Variants in JMY observed in about 807,000 individuals in gnomAD.
The protein encoded by JMY is junction mediating and regulatory protein, p53 cofactor.
Under a neutral mutation model 103.3 loss-of-function variants are expected in JMY, and 46 were observed. That is an observed-to-expected ratio of 0.45 (90% CI 0.35 to 0.57). JMY has a LOEUF of 0.57. Among genes scored for constraint, JMY ranks in the 20% least tolerant of loss-of-function variants. JMY has a pLI of 0.00. For synonymous variants in JMY, 526 were observed against 489.3 expected, an observed-to-expected ratio of 1.07 and a Z score of -0.99; for missense variants, 1,238 against 1,255.2, an observed-to-expected ratio of 0.99 and a Z score of 0.21.
At chr5:79,318,804 G>GAGAGAGAGAGAGA (rs1580377765) in intron 10 of JMY, among the ~76,000 whole-genome samples, 1 of 15,612 alleles carries the variant, frequency 6.4e-5, no homozygotes, top group African/African-American at 3.5e-4. Flanking sequence ...AGAGAGAGAG[G>GAGAGAGAGAGAGA]GATGCATATC....
chr5:79,319,903 T>C (rs1263004304), intron 10 of JMY, among the ~76,000 whole-genome samples: 1 of 152,074 alleles, frequency 6.6e-6, no homozygotes, highest in East Asian at 1.9e-4. Flanking sequence ...ATAGATTTTG[T>C]CATTAATGTA....
chr5:79,326,175 G>C lies in JMY; in HGVS notation c.*4573G>C, dbSNP rs1173453910. On this transcript the variant is annotated 3_prime_UTR_variant, in exon 11 of 11. Transcript: ENST00000396137. ...CATTTGTTTTGCGGGTTAGGGGAAA[G>C]TTTTGTTTTTTGCTGGTGTTTTTTG... The C allele has an allele frequency of 6.6e-6, 1 of 152,104 alleles. No individual in the cohort carries two copies. The highest frequency in any genetic ancestry group is 1.5e-5 in the Non-Finnish European group (1 of 67,994). 9.4% of individuals were successfully genotyped at this position (152,104 alleles called of 1,614,324 possible). A position where few individuals can be genotyped will look rare whatever the true frequency, so the allele number is the denominator to read the frequency against.
intron 3 of JMY, 53 bp from the exon 4 acceptor site, chr5:79,291,077 T>C (rs1337568823): frequency 8.0e-7 from 1 of 1,252,202 alleles, no homozygotes; most frequent in East Asian, 2.6e-5. Flanking sequence ...TTTCAAATGC[T>C]TCAGTATTAA....
chr5:79,300,011 C>G (rs1243145732), intron 4 of JMY, 142 bp from the exon 5 acceptor site: 3 of 498,810 alleles, frequency 6.0e-6, no homozygotes, highest in Non-Finnish European at 1.0e-5. Flanking sequence ...TTTTTAAAGT[C>G]TAGATTCCAT....
Position 79,314,460 on chromosome 5 carries a change from G to A in JMY, c.2268G>A (p.Val756=). Residue 756 remains valine, a synonymous_variant, in exon 9 of 11, where the codon GTG becomes GTA. Coordinates refer to ENST00000396137, the MANE Select transcript of JMY (RefSeq NM_152405.5). ...AGACAACAGAACCCCAGAGCCTTGT[G>A]CAACTTGAAGATACTTCATTAACAC... ...PSQTTEPQSL[V]QLEDTSLTQL... is the part of the protein sequence containing the mutation. The A allele has an allele frequency of 6.2e-6, 10 of 1,614,140 alleles. No homozygotes were observed. The highest frequency in any genetic ancestry group is 8.5e-6 in the Non-Finnish European group (10 of 1,180,020).
intron 1 of JMY, among the ~76,000 whole-genome samples, chr5:79,252,496 A>G (rs1384029591): frequency 2.6e-5 from 4 of 152,076 alleles, no homozygotes; most frequent in African/African-American, 7.2e-5. Context: ...CTATGATGCA[A>G]ATTAAGTCCA....
At chr5:79,281,427 G>T (rs1580352353) in intron 2 of JMY, among the ~76,000 whole-genome samples, 1 of 147,830 alleles carries the variant, frequency 6.8e-6, no homozygotes. Flanking sequence ...CACACATCTA[G>T]GGCCTACCCA....
chr5:79,316,369 G>A (rs1276602676), intron 10 of JMY, 59 bp downstream of exon 10: 2 of 1,312,910 alleles, frequency 1.5e-6, no homozygotes, highest in Admixed American at 5.1e-5. Flanking sequence ...ATCGGATGAT[G>A]AGGTTTGGGG....
chr5:79,283,863 A>G (rs903921561), intron 2 of JMY, among the ~76,000 whole-genome samples: 5 of 152,104 alleles, frequency 3.3e-5, no homozygotes, highest in African/African-American at 9.7e-5. Context: ...GAAGGTTACA[A>G]TTTTTCTGGG....
At chr5:79,294,401 C>T (rs565957973) in intron 4 of JMY, among the ~76,000 whole-genome samples, 8 of 151,490 alleles carry the variant, frequency 5.3e-5, no homozygotes, top group South Asian at 2.1e-4. Context: ...AGTGAGACTC[C>T]GTCTAAAATA....
At chr5:79,301,741 G>A (rs1229542786) in intron 6 of JMY, among the ~76,000 whole-genome samples, 2 of 152,142 alleles carry the variant, frequency 1.3e-5, no homozygotes, top group East Asian at 3.9e-4. Flanking sequence ...ACCCACTGCT[G>A]TGTCAGCCCT....
At chr5:79,279,524 G>A (rs1241371485) in intron 2 of JMY, among the ~76,000 whole-genome samples, 2 of 152,138 alleles carry the variant, frequency 1.3e-5, no homozygotes, top group Non-Finnish European at 1.5e-5. Context: ...ATGTAAGATT[G>A]AGTATTTGAG....
intron 5 of JMY, 77 bp downstream of exon 5, chr5:79,300,395 C>A: frequency 7.3e-7 from 1 of 1,365,464 alleles, no homozygotes; most frequent in Non-Finnish European, 9.8e-7. Context: ...AGGTATGTTT[C>A]TTTTGTTAAG....
intron 1 of JMY, among the ~76,000 whole-genome samples, chr5:79,270,484 T>C (rs1230574401): frequency 2.0e-5 from 2 of 102,536 alleles, no homozygotes; most frequent in African/African-American, 7.7e-5. Flanking sequence ...TTTACATAAA[T>C]ATTTACATAA....
intron 3 of JMY, among the ~76,000 whole-genome samples, chr5:79,290,907 C>T (rs1219110036): frequency 2.0e-5 from 3 of 152,112 alleles, no homozygotes; most frequent in Admixed American, 6.5e-5. Flanking sequence ...ATTGCTTGAA[C>T]CCGGGAGGCG....
intron 2 of JMY, among the ~76,000 whole-genome samples, chr5:79,279,733 AG>A (rs569886372): frequency 3.3e-5 from 5 of 152,136 alleles, no homozygotes; most frequent in Middle Eastern, 3.4e-3. Context: ...CAGCTTTTTG[AG>A]GGGGGGATTT....
chr5:79,272,297 T>C (rs1745809107), intron 1 of JMY, among the ~76,000 whole-genome samples: 1 of 152,172 alleles, frequency 6.6e-6, no homozygotes, highest in Admixed American at 6.5e-5. Flanking sequence ...TGTGGCTTCC[T>C]TTTATATCCA....
chr5:79,270,366 T>C (rs1745713770), intron 1 of JMY, among the ~76,000 whole-genome samples: 1 of 137,762 alleles, frequency 7.3e-6, no homozygotes, highest in Non-Finnish European at 1.5e-5. Context: ...ATTTAAAATG[T>C]ATATTTACAT....
At chr5:79,261,429 T>C (rs1315130093) in intron 1 of JMY, among the ~76,000 whole-genome samples, 2 of 152,052 alleles carry the variant, frequency 1.3e-5, no homozygotes, top group Non-Finnish European at 2.9e-5. Context: ...TAGTGGCACG[T>C]GACTGTAGTC....
Sources: allele counts gnomAD v4.1 joint callset (sites outside exome capture counted in the v4.1 genomes callset), GRCh38; gene constraint gnomAD v4.1.1; transcripts MANE v1.5; gene names NCBI Gene and HGNC (gene_info 2026-07-23, HGNC 2026-07-21).